PRDM6: variants seen among roughly 807,000 people sequenced by gnomAD.
PRDM6 encodes PR/SET domain 6, also known as putative histone-lysine N-methyltransferase PRDM6.
Under a neutral mutation model 60.8 loss-of-function variants are expected in PRDM6, and 25 were observed. The ratio of observed to expected loss-of-function variants is 0.41; its 90% CI spans 0.30 to 0.57. PRDM6 has a LOEUF of 0.57. Among genes scored for constraint, PRDM6 ranks in the 20% least tolerant of loss-of-function variants. The pLI, the probability that PRDM6 is intolerant of heterozygous loss-of-function variation, is 0.27. For missense variants in PRDM6, 839 were observed against 821.3 expected, an observed-to-expected ratio of 1.02 and a Z score of -0.26; for synonymous variants, 407 against 357.4, an observed-to-expected ratio of 1.14 and a Z score of -1.57.
At chr5:123,171,765 T>G (rs987968020) in intron 6 of PRDM6, among the ~76,000 whole-genome samples, 12 of 152,252 alleles carry the variant, frequency 7.9e-5, no homozygotes, top group African/African-American at 2.9e-4. Context: ...GAACTGAGGA[T>G]GAAATTTAGC....
chr5:123,099,553 G>C lies in PRDM6; in HGVS notation c.593-101G>C. 3.6e-6 allele frequency: 4 copies of C among 1,114,432 alleles called. No individual in the cohort carries two copies. Among genetic ancestry groups the C allele is most frequent in the Non-Finnish European group, 4.9e-6 (4 of 819,056 alleles). The allele number at this position is 1,114,432 out of a possible 1,614,324, so 69.0% of individuals were successfully genotyped here. ...TTCCTCGAAGGTGGCTTACCCAGGC[G>C]GGCGGTGATGCTGTTGTCTCGGGAG... On this transcript the variant is annotated intron_variant, in intron 2 of 7. Coordinates refer to ENST00000407847, the MANE Select transcript of PRDM6 (RefSeq NM_001136239.4). This position sits in a 1 kb window ranked among gnomAD's most constrained non-coding sequence, Gnocchi z 4.0.
At chr5:123,129,962 C>G (rs1299673698) in intron 3 of PRDM6, among the ~76,000 whole-genome samples, 3 of 150,570 alleles carry the variant, frequency 2.0e-5, no homozygotes, top group Non-Finnish European at 4.4e-5. Flanking sequence ...CTTCCTCCTT[C>G]CCTCCCTTCC....
intron 2 of PRDM6, among the ~76,000 whole-genome samples, chr5:123,097,427 T>C (rs1763983264): frequency 6.6e-6 from 1 of 152,180 alleles, no homozygotes; most frequent in African/African-American, 2.4e-5. Flanking sequence ...CAGCCTTGAC[T>C]GTGAATCCTT....
chr5:123,153,231 TTTTCA>T (rs1765412320), intron 3 of PRDM6, among the ~76,000 whole-genome samples: 1 of 152,132 alleles, frequency 6.6e-6, no homozygotes, highest in Non-Finnish European at 1.5e-5. Flanking sequence ...CTAGGTTTTC[TTTTCA>T]TTTATTTTTT....
intron 3 of PRDM6, among the ~76,000 whole-genome samples, chr5:123,116,506 G>C (rs1228984863): frequency 1.3e-5 from 2 of 152,056 alleles, no homozygotes; most frequent in Non-Finnish European, 2.9e-5. Flanking sequence ...TGCACATCTT[G>C]TATTCCAGAT....
chr5:123,124,190 T>A (rs1764644543), intron 3 of PRDM6, among the ~76,000 whole-genome samples: 1 of 152,104 alleles, frequency 6.6e-6, no homozygotes, highest in South Asian at 2.1e-4. Flanking sequence ...ATACCATAAT[T>A]CTCTGCATAT....
At chr5:123,095,140 C>T (rs1345497804) in intron 2 of PRDM6, among the ~76,000 whole-genome samples, 2 of 152,240 alleles carry the variant, frequency 1.3e-5, no homozygotes, top group African/African-American at 2.4e-5. Flanking sequence ...TCTGGATCTG[C>T]TTCTAGACCC....
At chr5:123,180,379 G>C in intron 7 of PRDM6, 56 bp downstream of exon 7, 9 of 1,493,930 alleles carry the variant, frequency 6.0e-6, no homozygotes, top group Non-Finnish European at 8.1e-6. Context: ...CCAAGAGCCA[G>C]CTGATGCATC....
intron 3 of PRDM6, among the ~76,000 whole-genome samples, chr5:123,115,381 T>G (rs1405638071): frequency 6.6e-6 from 1 of 152,162 alleles, no homozygotes; most frequent in East Asian, 1.9e-4. Context: ...ACCTAAATGT[T>G]GTACTGAAAA....
At chr5:123,157,891 G>A (rs1305729545) in intron 4 of PRDM6, among the ~76,000 whole-genome samples, 8 of 152,202 alleles carry the variant, frequency 5.3e-5, no homozygotes, top group Non-Finnish European at 1.5e-5. Flanking sequence ...CTTCAACTGC[G>A]TTGGGACGCC....
intron 3 of PRDM6, among the ~76,000 whole-genome samples, chr5:123,149,184 A>T (rs1765319634): frequency 6.6e-6 from 1 of 152,112 alleles, no homozygotes; most frequent in African/African-American, 2.4e-5. Context: ...CTTTATTTGA[A>T]AGTTTAAAAC....
chr5:123,147,098 A>G (rs1256265787), intron 3 of PRDM6, among the ~76,000 whole-genome samples: 4 of 152,198 alleles, frequency 2.6e-5, no homozygotes, highest in South Asian at 2.1e-4. Flanking sequence ...TATATACAAA[A>G]TAAGTTTTCG....
Position 123,170,912 on chromosome 5 carries a change from G to C in PRDM6, c.1300G>C (p.Asp434His). The C allele has an allele frequency of 6.4e-7, 1 of 1,552,090 alleles. No individual in the cohort carries two copies. The highest frequency in any genetic ancestry group is 1.4e-5 in the African/African-American group (1 of 73,138). ...GTGCAGCAGGAACTTCTCTCTTCTGGATAAGTCTGGGCCCATTGAATCAGG... is the reference window on the plus strand; with the variant it reads ...GTGCAGCAGGAACTTCTCTCTTCTGCATAAGTCTGGGCCCATTGAATCAGG... ...TPCSRNFSLL[D>H]KSGPIESGFN... The change falls in exon 6 of 8, where the codon GAT (aspartate) becomes CAT (histidine). Residue 434 changes from aspartate to histidine, a missense_variant. Asp to His is a moderately conservative substitution (Grantham distance 81, BLOSUM62 -1). Coordinates refer to ENST00000407847, the MANE Select transcript of PRDM6 (RefSeq NM_001136239.4).
At chr5:123,182,446 G>A (rs914606131) in intron 7 of PRDM6, among the ~76,000 whole-genome samples, 1 of 152,178 alleles carries the variant, frequency 6.6e-6, no homozygotes. Context: ...TTTTTATCTT[G>A]TTGCTGTGTA....
rs1748645966 is a variant in PRDM6 at position 123,155,998 on chromosome 5, G to A, written c.1015G>A (p.Val339Ile). The A allele has an allele frequency of 1.3e-6, 2 of 1,551,540 alleles. No individual in the cohort carries two copies. Among genetic ancestry groups the A allele is most frequent in the African/African-American group, 1.4e-5 (1 of 73,144 alleles). ...GCACTGCGGAGAACAGAATCTAACA[G>A]TAGTTCAGTACAGGTAAAGTATATC... ...ARHCGEQNLT[V>I]VQYRSNIFYR... The change falls in exon 4 of 8, where the codon GTA (valine) becomes ATA (isoleucine). Residue 339 changes from valine to isoleucine, a missense_variant. Transcript: ENST00000407847.
At chr5:123,175,050 A>G (rs1267888406) in intron 6 of PRDM6, among the ~76,000 whole-genome samples, 1 of 152,142 alleles carries the variant, frequency 6.6e-6, no homozygotes, top group Non-Finnish European at 1.5e-5. Context: ...TGCCTAGGCC[A>G]AAGTAGCTTT....
chr5:123,155,898 T>C lies in PRDM6; in HGVS notation c.915T>C (p.Asp305=). The change falls in exon 4 of 8, where the codon GAT becomes GAC. Residue 305 remains aspartate (D), a synonymous_variant. Coordinates refer to ENST00000407847, the MANE Select transcript of PRDM6 (RefSeq NM_001136239.4). The part of the protein sequence containing the change: ...TQHLWEIYDQ[D]GTLQHFIDGG... The stretch of plus-strand genomic sequence containing the variant: ...CTCTTCTCCAGATATATGACCAGGA[T>C]GGGACACTACAGCACTTTATTGATG... 1.3e-6 allele frequency: 2 copies of C among 1,551,438 alleles called. No individual in the cohort carries two copies. Among genetic ancestry groups the C allele is most frequent in the Non-Finnish European group, 1.7e-6 (2 of 1,146,832 alleles).
At chr5:123,144,837 C>A (rs550311007) in intron 3 of PRDM6, among the ~76,000 whole-genome samples, 2 of 152,186 alleles carry the variant, frequency 1.3e-5, no homozygotes, top group Non-Finnish European at 2.9e-5. Context: ...TTTTGGCTCA[C>A]TCACAGAGCA....
At chr5:123,181,427 G>A (rs543416912) in intron 7 of PRDM6, among the ~76,000 whole-genome samples, 85 of 152,300 alleles carry the variant, frequency 5.6e-4, no homozygotes, top group Non-Finnish European at 8.8e-4. Flanking sequence ...TACGGGGCAT[G>A]GGGGAAGGTA....
Sources: gnomAD v4.1 joint callset for allele counts (sites outside exome capture counted in the v4.1 genomes callset) on GRCh38, gnomAD v4.1.1 for gene constraint, Gnocchi (gnomAD v3.1) non-coding constraint, MANE v1.5 for transcripts, NCBI Gene and HGNC (gene_info 2026-07-23, HGNC 2026-07-21) for gene names.